Variants in DTNA observed in about 807,000 individuals in gnomAD.
DTNA encodes the protein dystrobrevin alpha, also known as dystrophin-related protein 3.
DTNA carries 43 observed loss-of-function variants against 100.7 expected under a neutral mutation model. That is an observed-to-expected ratio of 0.43 (90% CI 0.33 to 0.55). The LOEUF (loss-of-function observed/expected upper bound fraction) is 0.55. Among genes scored for constraint, DTNA ranks in the 20% least tolerant of loss-of-function variants. The pLI, the probability that DTNA is intolerant of heterozygous loss-of-function variation, is 0.04. For missense variants in DTNA, 798 were observed against 953.9 expected, an observed-to-expected ratio of 0.84 and a Z score of 2.15; for synonymous variants, 349 against 347.9, an observed-to-expected ratio of 1.00 and a Z score of -0.04.
chr18:34,614,974 TAATG>T (rs1381494721), intron 1 of DTNA, among the ~76,000 whole-genome samples: 1 of 152,230 alleles, frequency 6.6e-6, no homozygotes, highest in East Asian at 1.9e-4. Context: ...AAGAGCCAAT[TAATG>T]CAGCAAACAT....
At chr18:34,646,650 T>G (rs1179629064) in intron 1 of DTNA, among the ~76,000 whole-genome samples, 1 of 152,184 alleles carries the variant, frequency 6.6e-6, no homozygotes, top group Non-Finnish European at 1.5e-5. Flanking sequence ...TTCAAATGAT[T>G]TATTCTTCTT....
intron 1 of DTNA, among the ~76,000 whole-genome samples, chr18:34,514,543 A>T (rs2041404975): frequency 1.3e-5 from 2 of 152,144 alleles, no homozygotes; most frequent in African/African-American, 4.8e-5. Flanking sequence ...TTAAAGAAGA[A>T]ATGGGGTACT....
intron 1 of DTNA, among the ~76,000 whole-genome samples, chr18:34,523,626 T>G (rs1185593387): frequency 6.6e-6 from 1 of 152,124 alleles, no homozygotes; most frequent in African/African-American, 2.4e-5. Context: ...ATATATATTA[T>G]CTCCTTTGAA....
intron 3 of DTNA, among the ~76,000 whole-genome samples, chr18:34,782,912 A>G (rs1464872650): frequency 6.6e-6 from 1 of 152,186 alleles, no homozygotes; most frequent in African/African-American, 2.4e-5. Flanking sequence ...GCTTGCTTCT[A>G]AGTAGAAGGC....
chr18:34,639,684 A>G (rs1012041227), intron 1 of DTNA, among the ~76,000 whole-genome samples: 2 of 152,220 alleles, frequency 1.3e-5, no homozygotes, highest in Admixed American at 1.3e-4. Flanking sequence ...CTATAAACAC[A>G]GCTCTTCCTG....
At chr18:34,701,333 A>T (rs78899163) in intron 1 of DTNA, among the ~76,000 whole-genome samples, 2 of 151,938 alleles carry the variant, frequency 1.3e-5, no homozygotes, top group African/African-American at 4.8e-5. Context: ...TCCCATTCTC[A>T]TCTTACTCAA....
chr18:34,851,964 A>G (rs768471302), intron 15 of DTNA, 36 bp downstream of exon 15: 3 of 1,596,398 alleles, frequency 1.9e-6, no homozygotes, highest in Non-Finnish European at 1.7e-6. Flanking sequence ...TGTTTGATCA[A>G]TGTGCGCATT....
At chr18:34,850,802 A>ATTT in intron 14 of DTNA, among the ~76,000 whole-genome samples, 1 of 152,216 alleles carries the variant, frequency 6.6e-6, no homozygotes, top group East Asian at 1.9e-4. Context: ...TCCTTGACTA[A>ATTT]ATATACATAA....
At position 34,582,495 on chromosome 18, in the gene DTNA, C is replaced by T. The variant is rs565498546; in HGVS notation, c.-2+88981C>T. Among the ~76,000 whole-genome samples, 16 of 152,238 alleles carry T rather than the reference C, an allele frequency of 1.1e-4. No homozygotes were observed. In the East Asian group the frequency reaches 1.9e-3, roughly 18 times the overall value. On this transcript the variant is annotated intron_variant, in intron 1 of 19. Transcript: ENST00000283365. Reference sequence around the variant, plus strand: ...AGACTACAGCAGCAAGGCCCTCTAACGAGTGAGGCCCAGGGCAGCCCGTCC... The same window carrying T: ...AGACTACAGCAGCAAGGCCCTCTAATGAGTGAGGCCCAGGGCAGCCCGTCC...
At chr18:34,879,516 G>A (rs768531102) in intron 19 of DTNA, 35 bp from the exon 20 acceptor site, 29 of 1,611,304 alleles carry the variant, frequency 1.8e-5, no homozygotes, top group Middle Eastern at 1.7e-4. Flanking sequence ...AAAATCTAAC[G>A]AGTCATTCTT....
chr18:34,792,235 A>G (rs1338293521), intron 3 of DTNA, among the ~76,000 whole-genome samples: 1 of 152,138 alleles, frequency 6.6e-6, no homozygotes, highest in Non-Finnish European at 1.5e-5. Context: ...GTCTGAACAG[A>G]TTGCTCTCTC....
intron 17 of DTNA, among the ~76,000 whole-genome samples, chr18:34,872,246 A>G (rs186298693): frequency 6.6e-6 from 1 of 152,174 alleles, no homozygotes; most frequent in Non-Finnish European, 1.5e-5. Context: ...AGCCCAGTGC[A>G]CTAGGAGATG....
At chr18:34,496,017 C>G (rs2039153700) in intron 1 of DTNA, among the ~76,000 whole-genome samples, 1 of 151,996 alleles carries the variant, frequency 6.6e-6, no homozygotes, top group South Asian at 2.1e-4. Context: ...ATTATTTTGA[C>G]ATTCATAGAT....
intron 1 of DTNA, among the ~76,000 whole-genome samples, chr18:34,700,051 C>A (rs2081155890): frequency 6.6e-6 from 1 of 152,136 alleles, no homozygotes; most frequent in South Asian, 2.1e-4. Flanking sequence ...AATCAGCAGA[C>A]CTCCAAGCAT....
chr18:34,710,331 G>T lies in DTNA; in HGVS notation c.-116G>T, dbSNP rs759681984. ...ACACAGCTTTTTATTGAAGTTAAAGGTTACTTTGGAGTTTGTTTGGAAATG... is the reference window on the plus strand; with the variant it reads ...ACACAGCTTTTTATTGAAGTTAAAGTTTACTTTGGAGTTTGTTTGGAAATG... On this transcript the variant is annotated 5_prime_UTR_variant, in exon 1 of 23. Coordinates refer to ENST00000444659, the MANE Select transcript of DTNA (RefSeq NM_001386795.1). 2 of 152,200 alleles carry T rather than the reference G, an allele frequency of 1.3e-5. No homozygotes were observed. Among genetic ancestry groups the T allele is most frequent in the Admixed American group, 1.3e-4 (2 of 15,282 alleles). 9.4% of individuals were successfully genotyped at this position (152,200 alleles called of 1,614,324 possible).
intron 1 of DTNA, among the ~76,000 whole-genome samples, chr18:34,752,016 C>G (rs566803479): frequency 1.3e-5 from 2 of 152,326 alleles, no homozygotes; most frequent in South Asian, 4.1e-4. Context: ...AAGGAAACAT[C>G]TGACAGGGCT....
At chr18:34,687,613 T>G (rs1219938949) in intron 1 of DTNA, among the ~76,000 whole-genome samples, 3 of 152,238 alleles carry the variant, frequency 2.0e-5, no homozygotes, top group African/African-American at 7.2e-5. Context: ...AGAATGTATA[T>G]TCTGTTGATT....
chr18:34,801,279 AC>A (rs555671033), intron 4 of DTNA, among the ~76,000 whole-genome samples: 105 of 152,300 alleles, frequency 6.9e-4, no homozygotes, highest in Non-Finnish European at 1.3e-3. Context: ...TTAATTATAT[AC>A]CAATACACAA....
chr18:34,615,260 C>A (rs1201220221), intron 1 of DTNA, among the ~76,000 whole-genome samples: 2 of 152,052 alleles, frequency 1.3e-5, no homozygotes, highest in Non-Finnish European at 2.9e-5. Context: ...CCAAATCTCA[C>A]AAGAACCCAC....
Sources: allele counts gnomAD v4.1 joint callset (sites outside exome capture counted in the v4.1 genomes callset), GRCh38; gene constraint gnomAD v4.1.1; transcripts MANE v1.5; gene names NCBI Gene and HGNC (gene_info 2026-07-23, HGNC 2026-07-21).